Variants in TENM2 observed in about 807,000 individuals in gnomAD.
TENM2 encodes the protein teneurin-2.
A neutral mutation model predicts 245.2 loss-of-function variants in TENM2; 52 were observed. That is an observed-to-expected ratio of 0.21 (90% CI 0.17 to 0.27). The LOEUF (loss-of-function observed/expected upper bound fraction) is 0.27. Among genes scored for constraint, TENM2 ranks in the 10% least tolerant of loss-of-function variants. The probability of loss-of-function intolerance (pLI) is 1.00; values close to 1 mark genes in which losing one functional copy is unlikely to be tolerated. For synonymous variants in TENM2, 1,363 were observed against 1,438.9 expected (o/e 0.95, Z 1.19); for missense variants, 3,046 against 3,666.8 (o/e 0.83, Z 4.37).
the TENM2 span, among the ~76,000 whole-genome samples, chr5:167,260,215 C>A: frequency 6.6e-6 from 1 of 152,050 alleles, no homozygotes; most frequent in Non-Finnish European, 1.5e-5. Context: ...GTTAATTATG[C>A]AATGATAAAT....
At chr5:167,285,777 C>G (rs1051377270) in intron 1 of TENM2, among the ~76,000 whole-genome samples, 1 of 152,224 alleles carries the variant, frequency 6.6e-6, no homozygotes, top group Non-Finnish European at 1.5e-5. Flanking sequence ...TGTGTGTGCA[C>G]TTTACATTGA....
At chr5:168,145,735 A>C (rs1451132476) in intron 12 of TENM2, among the ~76,000 whole-genome samples, 1 of 150,320 alleles carries the variant, frequency 6.7e-6, no homozygotes, top group Non-Finnish European at 1.5e-5. Flanking sequence ...TGGTAGCTTG[A>C]TGGGGATGGC....
rs149621688 is a variant in TENM2, at chr5:167,405,769, A to AACACACACACACACACACACACAC, written c.502+30303_502+30326dup. 8.1e-4 allele frequency among the ~76,000 whole-genome samples: 118 copies of AACACACACACACACACACACACAC among 145,270 alleles called. 4 individuals are homozygous for AACACACACACACACACACACACAC. Among genetic ancestry groups the AACACACACACACACACACACACAC allele is most frequent in the Middle Eastern group, 3.5e-3 (1 of 286 alleles). ...AGTGCAATTCAAACACACACACACA[A>AACACACACACACACACACACACAC]ACACACACACACACACACACACACA... On this transcript the variant is annotated intron_variant, in intron 2 of 28. Transcript: ENST00000518659.
At chr5:167,879,359 C>G (rs1208396990) in intron 3 of TENM2, among the ~76,000 whole-genome samples, 1 of 152,176 alleles carries the variant, frequency 6.6e-6, no homozygotes, top group Non-Finnish European at 1.5e-5. Flanking sequence ...CCCCCTTAAG[C>G]ATTTTCTTTC....
chr5:167,670,832 C>G (rs968728669), intron 2 of TENM2, among the ~76,000 whole-genome samples: 1 of 152,150 alleles, frequency 6.6e-6, no homozygotes, highest in Non-Finnish European at 1.5e-5. Flanking sequence ...GTTTTGCATT[C>G]CTCCTTGCCA....
intron 2 of TENM2, among the ~76,000 whole-genome samples, chr5:167,847,377 T>C (rs1770146522): frequency 6.6e-6 from 1 of 152,246 alleles, no homozygotes; most frequent in Non-Finnish European, 1.5e-5. Flanking sequence ...ATTTCATTTG[T>C]GTACTGATCA....
At position 168,099,814 on chromosome 5, in the gene TENM2, C is replaced by G. The variant is rs192872516; in HGVS notation, c.1813+1687C>G. On this transcript the variant is annotated intron_variant, in intron 9 of 28. Transcript: ENST00000518659. ...ACTTAAAGTTCTGGGTCTGATGGCA[C>G]GTGCGTGAGACTTAATTCCTAAATG... Among the ~76,000 whole-genome samples, 4 of 152,262 alleles carry G rather than the reference C, an allele frequency of 2.6e-5. No homozygotes were observed. The East Asian group carries it at 7.7e-4, about 29-fold the overall frequency.
intron 4 of TENM2, among the ~76,000 whole-genome samples, chr5:167,978,903 T>C (rs1782631871): frequency 6.6e-6 from 1 of 152,098 alleles, no homozygotes; most frequent in East Asian, 1.9e-4. Context: ...GACAACAAGA[T>C]AGTTAGGCTA....
chr5:167,211,005 A>G, the TENM2 span, among the ~76,000 whole-genome samples: 1 of 152,152 alleles, frequency 6.6e-6, no homozygotes, highest in Non-Finnish European at 1.5e-5. Flanking sequence ...TGATGGACGC[A>G]CAAATATCTC....
chr5:167,636,934 G>A (rs905663029), intron 2 of TENM2, among the ~76,000 whole-genome samples: 4 of 152,162 alleles, frequency 2.6e-5, no homozygotes, highest in African/African-American at 9.7e-5. Flanking sequence ...GTGTCACAGT[G>A]TGGGAGCTAA....
chr5:167,580,844 C>G (rs1357832577), intron 2 of TENM2, among the ~76,000 whole-genome samples: 1 of 152,156 alleles, frequency 6.6e-6, no homozygotes, highest in Non-Finnish European at 1.5e-5. Context: ...CAAAAATTAG[C>G]CGGGCGTGGT....
chr5:167,080,755 G>GA, the TENM2 span, among the ~76,000 whole-genome samples: 5 of 152,030 alleles, frequency 3.3e-5, no homozygotes, highest in African/African-American at 9.7e-5. Context: ...GTATATTCCT[G>GA]AAAAAATGTA....
the TENM2 span, among the ~76,000 whole-genome samples, chr5:167,151,251 ATTAT>A: frequency 4.6e-5 from 7 of 152,158 alleles, no homozygotes; most frequent in Non-Finnish European, 1.0e-4. Context: ...CTAAAACATT[ATTAT>A]TTTTTTCAAT....
At chr5:167,870,557 A>ATATATATATATG (rs1242293071) in intron 2 of TENM2, among the ~76,000 whole-genome samples, 105 of 139,632 alleles carry the variant, frequency 7.5e-4, no homozygotes, top group Non-Finnish European at 1.2e-3. Context: ...GTGTATACAT[A>ATATATATATATG]TATATATATA....
chr5:167,468,862 C>A (rs1215796033), intron 2 of TENM2, among the ~76,000 whole-genome samples: 1 of 152,114 alleles, frequency 6.6e-6, no homozygotes, highest in African/African-American at 2.4e-5. Flanking sequence ...GAAGAGAAAG[C>A]ACAGTATCAT....
At chr5:168,233,066 G>A (rs370816756) in intron 25 of TENM2, among the ~76,000 whole-genome samples, 5 of 152,174 alleles carry the variant, frequency 3.3e-5, no homozygotes, top group South Asian at 2.1e-4. Flanking sequence ...GGTGTCTCAC[G>A]CCTGTAATCC....
chr5:167,440,759 T>C (rs935489372), intron 2 of TENM2, among the ~76,000 whole-genome samples: 3 of 152,124 alleles, frequency 2.0e-5, no homozygotes, highest in African/African-American at 7.2e-5. Context: ...TTTCTGGGTC[T>C]CTTTCTCTTT....
intron 26 of TENM2, among the ~76,000 whole-genome samples, chr5:168,245,572 TA>T (rs35630506): frequency 0.42 from 50,751 of 120,022 alleles, 9,858 homozygotes; most frequent in South Asian, 0.5. Context: ...GGAGTGGCGG[TA>T]AAAAAAAAAA....
chr5:168,170,711 C>T (rs1302682399), intron 13 of TENM2, among the ~76,000 whole-genome samples: 2 of 152,178 alleles, frequency 1.3e-5, no homozygotes, highest in Non-Finnish European at 2.9e-5. Context: ...TCCCTGCACT[C>T]CTCTTGCCGT....
Sources: gnomAD v4.1 joint callset for allele counts (sites outside exome capture counted in the v4.1 genomes callset) on GRCh38, gnomAD v4.1.1 for gene constraint, MANE v1.5 for transcripts, NCBI Gene and HGNC (gene_info 2026-07-23, HGNC 2026-07-21) for gene names.